The following DPH6 variants were observed in gnomAD, a reference collection of about 807,000 sequenced individuals.
DPH6 encodes the protein diphthine--ammonia ligase.
A neutral mutation model predicts 38.2 loss-of-function variants in DPH6; 33 were observed. That is an observed-to-expected ratio of 0.86 (90% CI 0.65 to 1.15). The LOEUF is 1.15. Among genes scored for constraint, DPH6 ranks in the 50% most tolerant of loss-of-function variants. DPH6 has a pLI of 0.00. For missense variants in DPH6, 325 were observed against 320.0 expected, an observed-to-expected ratio of 1.02 and a Z score of -0.12; for synonymous variants, 108 against 103.0, an observed-to-expected ratio of 1.05 and a Z score of -0.30.
chr15:35,270,268 T>C (rs886475191), intron 3 of DPH6, among the ~76,000 whole-genome samples: 2 of 152,252 alleles, frequency 1.3e-5, no homozygotes, highest in Non-Finnish European at 2.9e-5. Context: ...GATTACTTGC[T>C]ATAGTCTTTA....
rs369422889 is a variant in DPH6 at position 35,527,026 on chromosome 15, A to G, written c.312+11248T>C. Among the ~76,000 whole-genome samples, 23 of 152,286 alleles carry G rather than the reference A, an allele frequency of 1.5e-4. No homozygotes were observed. The East Asian group carries it at 3.1e-3, about 20-fold the overall frequency. On this transcript the variant is annotated intron_variant, in intron 3 of 8. Coordinates refer to ENST00000256538, the MANE Select transcript of DPH6 (RefSeq NM_080650.4). ...AAGGATCAATTCAATCCAATCTATA[A>G]TATAAATTTACCCCCACTAAAACCT...
At chr15:35,402,381 A>G (rs973400576) in intron 6 of DPH6, among the ~76,000 whole-genome samples, 1 of 152,180 alleles carries the variant, frequency 6.6e-6, no homozygotes, top group Non-Finnish European at 1.5e-5. Context: ...TATGCAATAT[A>G]CCTAAATTGA....
chr15:35,297,413 T>C (rs934237554), intron 3 of DPH6, among the ~76,000 whole-genome samples: 2 of 152,052 alleles, frequency 1.3e-5, no homozygotes, highest in African/African-American at 2.4e-5. Flanking sequence ...CTCAACAATT[T>C]TCATTTTGAC....
At chr15:35,499,627 C>A (rs758649968) in intron 3 of DPH6, among the ~76,000 whole-genome samples, 1 of 152,136 alleles carries the variant, frequency 6.6e-6, no homozygotes, top group Non-Finnish European at 1.5e-5. Flanking sequence ...AGGGTCCAAG[C>A]CCCTAATGTC....
chr15:35,268,550 G>A (rs924489010), intron 3 of DPH6, among the ~76,000 whole-genome samples: 9 of 151,644 alleles, frequency 5.9e-5, no homozygotes, highest in Admixed American at 3.9e-4. Flanking sequence ...TGGGAAAGAG[G>A]AGTCTTTTTC....
the DPH6 span, among the ~76,000 whole-genome samples, chr15:35,207,179 A>C: frequency 6.6e-6 from 1 of 151,202 alleles, no homozygotes; most frequent in Non-Finnish European, 1.5e-5. Flanking sequence ...CCTAAGTAGA[A>C]GGGCCTACAG....
intron 3 of DPH6, among the ~76,000 whole-genome samples, chr15:35,239,311 A>C (rs2051580754): frequency 7.0e-6 from 1 of 142,912 alleles, no homozygotes; most frequent in Admixed American, 7.5e-5. Flanking sequence ...CCCTTCTCTT[A>C]ATTTCAATTC....
chr15:35,420,880 G>A (rs1939460987), intron 5 of DPH6, among the ~76,000 whole-genome samples: 1 of 151,976 alleles, frequency 6.6e-6, no homozygotes, highest in South Asian at 2.1e-4. Flanking sequence ...AGAAAAACAG[G>A]GGCAGGACTC....
At chr15:35,394,506 A>C (rs1394516728) in intron 6 of DPH6, among the ~76,000 whole-genome samples, 1 of 152,248 alleles carries the variant, frequency 6.6e-6, no homozygotes, top group Non-Finnish European at 1.5e-5. Flanking sequence ...GCACTTAGTA[A>C]GCACTTAATA....
chr15:35,474,049 A>G (rs931691554), intron 3 of DPH6, among the ~76,000 whole-genome samples: 1 of 151,954 alleles, frequency 6.6e-6, no homozygotes, highest in African/African-American at 2.4e-5. Context: ...AGGGGGAAGG[A>G]AACTGAGTAG....
In DPH6 at chr15:35,241,912, C is replaced by CTATG. The variant is rs1215078437; in HGVS notation, n.201-21334_201-21331dup. Among the ~76,000 whole-genome samples the CTATG allele has an allele frequency of 1.4e-5, 2 of 144,018 alleles. 1 individual carries two copies. Among genetic ancestry groups the CTATG allele is most frequent in the African/African-American group, 5.0e-5 (2 of 39,834 alleles). The allele number at this position is 144,018 out of a possible 152,430, so 94.5% of individuals were successfully genotyped here. Reference sequence around the variant, plus strand: ...CAAGCCTTACAAGTTAGTCCAGGATCTATGCCTTATCAACCAAATTGTTTT... The same window carrying CTATG: ...CAAGCCTTACAAGTTAGTCCAGGATCTATGTATGCCTTATCAACCAAATTGTTTT... On this transcript the variant is annotated intron_variant and non_coding_transcript_variant, in intron 3 of 3. Transcript: ENST00000560386.
intron 3 of DPH6, among the ~76,000 whole-genome samples, chr15:35,525,710 T>C (rs886365999): frequency 1.3e-5 from 2 of 152,104 alleles, no homozygotes; most frequent in Non-Finnish European, 2.9e-5. Flanking sequence ...CATGGTTGCA[T>C]GCACCTGTAG....
At chr15:35,220,887 C>CA (rs1283545744) in intron 3 of DPH6, among the ~76,000 whole-genome samples, 5 of 152,176 alleles carry the variant, frequency 3.3e-5, no homozygotes, top group African/African-American at 4.8e-5. Flanking sequence ...CAACAGCTCT[C>CA]AAAGTCTTAA....
chr15:35,210,345 C>T, the DPH6 span, among the ~76,000 whole-genome samples: 250 of 152,124 alleles, frequency 1.6e-3, no homozygotes, highest in African/African-American at 5.9e-3. Context: ...GAGTTTAGAG[C>T]CAGAGCAGGG....
intron 3 of DPH6, among the ~76,000 whole-genome samples, chr15:35,512,702 T>A (rs1374580911): frequency 6.6e-6 from 1 of 152,062 alleles, no homozygotes; most frequent in East Asian, 1.9e-4. Flanking sequence ...ATAAAAACAA[T>A]TCCAAGTCAA....
the DPH6 span, among the ~76,000 whole-genome samples, chr15:35,161,216 T>A: frequency 6.6e-6 from 1 of 152,004 alleles, no homozygotes; most frequent in Non-Finnish European, 1.5e-5. Flanking sequence ...GACACAATAC[T>A]CTGCTAGTAT....
At chr15:35,421,924 A>G (rs2053510113) in intron 5 of DPH6, among the ~76,000 whole-genome samples, 1 of 152,090 alleles carries the variant, frequency 6.6e-6, no homozygotes, top group Non-Finnish European at 1.5e-5. Context: ...AATAGACTAG[A>G]TGAGAGAGGA....
At chr15:35,257,214 T>G (rs1449397950) in intron 3 of DPH6, among the ~76,000 whole-genome samples, 1 of 152,154 alleles carries the variant, frequency 6.6e-6, no homozygotes, top group Non-Finnish European at 1.5e-5. Flanking sequence ...GGGTACTAGT[T>G]TTTTGTGTTT....
intron 3 of DPH6, among the ~76,000 whole-genome samples, chr15:35,307,171 C>T (rs1351953988): frequency 1.3e-5 from 2 of 152,056 alleles, no homozygotes; most frequent in Non-Finnish European, 2.9e-5. Context: ...AAACTGGGCA[C>T]TACTCTGACT....
Sources: allele counts gnomAD v4.1 joint callset (sites outside exome capture counted in the v4.1 genomes callset), GRCh38; gene constraint gnomAD v4.1.1; transcripts MANE v1.5; gene names NCBI Gene and HGNC (gene_info 2026-07-23, HGNC 2026-07-21).